Variants in SPOCK3 observed in about 807,000 individuals in gnomAD.
SPOCK3 encodes testican-3.
In SPOCK3, 30 loss-of-function variants were observed where a neutral mutation model predicts 56.6. The observed-to-expected ratio is 0.53, with a 90% confidence interval of 0.40 to 0.72. SPOCK3 has a LOEUF of 0.72. SPOCK3 is among the 30% of genes least tolerant of loss of function. The pLI is 0.00. For synonymous variants in SPOCK3, 196 were observed against 183.3 expected, an observed-to-expected ratio of 1.07 and a Z score of -0.56; for missense variants, 527 against 530.0, an observed-to-expected ratio of 0.99 and a Z score of 0.06.
intron 4 of SPOCK3, among the ~76,000 whole-genome samples, chr4:166,958,792 T>C (rs1160905792): frequency 6.6e-6 from 1 of 152,232 alleles, no homozygotes; most frequent in African/African-American, 2.4e-5. Flanking sequence ...AGGTCTGTGA[T>C]GGCAAGCATT....
chr4:166,821,970 A>C (rs900384888), intron 6 of SPOCK3, among the ~76,000 whole-genome samples: 1 of 152,084 alleles, frequency 6.6e-6, no homozygotes, highest in Non-Finnish European at 1.5e-5. Flanking sequence ...AAATATGTGA[A>C]AAAAATATAC....
At chr4:167,062,380 A>G in intron 3 of SPOCK3, 112 bp downstream of exon 3, 1 of 693,152 alleles carries the variant, frequency 1.4e-6, no homozygotes, top group Admixed American at 2.9e-5. Flanking sequence ...CCATTCATGT[A>G]AGCTCTTCTA....
intron 2 of SPOCK3, among the ~76,000 whole-genome samples, chr4:167,205,857 C>A (rs1734274237): frequency 6.6e-6 from 1 of 151,284 alleles, no homozygotes; most frequent in Non-Finnish European, 1.5e-5. Context: ...GATCTGCCCA[C>A]CTCAGCCTTC....
intron 4 of SPOCK3, among the ~76,000 whole-genome samples, chr4:166,946,070 T>G (rs1561039687): frequency 6.6e-6 from 1 of 152,150 alleles, no homozygotes; most frequent in Non-Finnish European, 1.5e-5. Flanking sequence ...GTTAGGACCA[T>G]GAATAACTAC....
intron 5 of SPOCK3, among the ~76,000 whole-genome samples, chr4:166,906,482 T>A (rs202165455): frequency 0.014 from 1,466 of 106,518 alleles, no homozygotes; most frequent in Non-Finnish European, 0.015. Flanking sequence ...GTTGGCTACA[T>A]AAAAAAAAAA....
At chr4:167,176,544 T>A (rs1333424602) in intron 2 of SPOCK3, among the ~76,000 whole-genome samples, 2 of 152,180 alleles carry the variant, frequency 1.3e-5, no homozygotes, top group African/African-American at 2.4e-5. Context: ...AAATGCCATT[T>A]TTTTTGTTGT....
At chr4:167,183,670 A>G (rs1731692796) in intron 2 of SPOCK3, among the ~76,000 whole-genome samples, 1 of 152,208 alleles carries the variant, frequency 6.6e-6, no homozygotes, top group African/African-American at 2.4e-5. Flanking sequence ...AGCCACATAA[A>G]ATTATAGTTT....
At chr4:166,866,124 C>A (rs867629862) in intron 6 of SPOCK3, among the ~76,000 whole-genome samples, 1 of 152,084 alleles carries the variant, frequency 6.6e-6, no homozygotes, top group Non-Finnish European at 1.5e-5. Context: ...AGAAATAACA[C>A]CACACATCTA....
At chr4:167,150,689 A>G (rs2150415517) in intron 2 of SPOCK3, among the ~76,000 whole-genome samples, 1 of 152,336 alleles carries the variant, frequency 6.6e-6, no homozygotes, top group Non-Finnish European at 1.5e-5. Context: ...TGAAGAAGTA[A>G]GGACATTATG....
chr4:166,855,556 A>T (rs1307339796), intron 6 of SPOCK3, among the ~76,000 whole-genome samples: 1 of 152,242 alleles, frequency 6.6e-6, no homozygotes, highest in Non-Finnish European at 1.5e-5. Context: ...GCTGTAAAAT[A>T]AATGCCTTTA....
At chr4:167,097,228 T>G (rs183138138) in intron 2 of SPOCK3, among the ~76,000 whole-genome samples, 1 of 152,064 alleles carries the variant, frequency 6.6e-6, no homozygotes, top group Admixed American at 6.6e-5. Context: ...GCTTTCTATT[T>G]GTTCATGTCA....
intron 6 of SPOCK3, among the ~76,000 whole-genome samples, chr4:166,810,480 A>G (rs937547119): frequency 2.0e-5 from 3 of 151,994 alleles, no homozygotes; most frequent in African/African-American, 7.2e-5. Context: ...ATTTATTTTC[A>G]GATTAAGGAA....
intron 5 of SPOCK3, among the ~76,000 whole-genome samples, chr4:166,906,604 C>A (rs185456092): frequency 6.6e-6 from 1 of 151,290 alleles, no homozygotes; most frequent in African/African-American, 2.4e-5. Flanking sequence ...TTTTCTGCAA[C>A]GAGTAATAAT....
chr4:166,869,173 AT>A (rs755805270), intron 6 of SPOCK3, among the ~76,000 whole-genome samples: 11,644 of 152,170 alleles, frequency 0.077, 529 homozygotes, highest in Non-Finnish European at 0.1. Context: ...ATCTTGCAGG[AT>A]CAGCAGGAAT....
At chr4:166,856,420 G>A (rs1168922426) in intron 6 of SPOCK3, among the ~76,000 whole-genome samples, 1 of 152,104 alleles carries the variant, frequency 6.6e-6, no homozygotes, top group East Asian at 1.9e-4. Context: ...TGAATACATT[G>A]TACATCATAT....
At chr4:167,214,393 A>T (rs533334122) in intron 2 of SPOCK3, among the ~76,000 whole-genome samples, 84 of 152,248 alleles carry the variant, frequency 5.5e-4, no homozygotes, top group Admixed American at 1.8e-3. Flanking sequence ...ACACTATAAC[A>T]TTATCAGCAA....
intron 6 of SPOCK3, among the ~76,000 whole-genome samples, chr4:166,796,703 T>A (rs1032540683): frequency 1.3e-5 from 2 of 152,182 alleles, no homozygotes; most frequent in African/African-American, 4.8e-5. Context: ...CTAAGTCTGA[T>A]CTATGAGGTG....
chr4:166,991,898 A>G (rs1413840156), intron 4 of SPOCK3, among the ~76,000 whole-genome samples: 1 of 152,192 alleles, frequency 6.6e-6, no homozygotes, highest in Non-Finnish European at 1.5e-5. Flanking sequence ...TGGCAAAAAT[A>G]TTCACACACG....
intron 6 of SPOCK3, among the ~76,000 whole-genome samples, chr4:166,809,723 G>C (rs1378995432): frequency 2.0e-5 from 3 of 152,038 alleles, no homozygotes; most frequent in Non-Finnish European, 2.9e-5. Context: ...AAAGAGATAA[G>C]CAGCCCCTGA....
Sources: gnomAD v4.1 joint callset for allele counts (sites outside exome capture counted in the v4.1 genomes callset) on GRCh38, gnomAD v4.1.1 for gene constraint, MANE v1.5 for transcripts, NCBI Gene and HGNC (gene_info 2026-07-23, HGNC 2026-07-21) for gene names.